Variants in CDH23 observed in about 807,000 individuals in gnomAD.
CDH23 encodes cadherin related 23.
In CDH23, 189 loss-of-function variants were observed where a neutral mutation model predicts 317.1. The observed-to-expected ratio is 0.60, with a 90% CI of 0.53 to 0.67. The LOEUF (loss-of-function observed/expected upper bound fraction) is 0.67. Ranked by LOEUF, CDH23 falls within the 30% of genes least tolerant of loss-of-function variation. The pLI is 0.00. For missense variants in CDH23, 4,401 were observed against 4,592.4 expected (o/e 0.96, Z 1.20); for synonymous variants, 1,839 against 1,876.8 (o/e 0.98, Z 0.52).
chr10:71,679,359 C>T (rs369347237), intron 16 of CDH23, 28 bp from the exon 17 acceptor site: 69 of 1,524,416 alleles, frequency 4.5e-5, no homozygotes, highest in African/African-American at 3.3e-4. Context: ...TGCAGGCTCA[C>T]GGCCCTTGTC....
intron 22 of CDH23, among the ~76,000 whole-genome samples, chr10:71,695,876 T>A (rs1865370435): frequency 6.6e-6 from 1 of 152,018 alleles, no homozygotes; most frequent in Admixed American, 6.6e-5. Flanking sequence ...CTCCCACCCC[T>A]ACACTGCACA....
chr10:71,676,552 G>A (rs1864379048), intron 15 of CDH23, among the ~76,000 whole-genome samples: 1 of 152,140 alleles, frequency 6.6e-6, no homozygotes, highest in Non-Finnish European at 1.5e-5. Flanking sequence ...GTATGAACCT[G>A]GGAGGCAGAG....
chr10:71,420,445 T>TGGTGATGGTGATGATG, intron 1 of CDH23, among the ~76,000 whole-genome samples: 1 of 26,702 alleles, frequency 3.7e-5, no homozygotes. Flanking sequence ...TGATGGTCAT[T>TGGTGATGGTGATGATG]ATGATGGTGA....
rs1864517593 is a variant in CDH23, at chr10:71,679,417, C to A, written c.1783C>A (p.Gln595Lys). ...AGATGAAGACTCCCCTCCCAACAACCAGATCACCTACAGCATTGTCAGTGC... is the reference window on the plus strand; with the variant it reads ...AGATGAAGACTCCCCTCCCAACAACAAGATCACCTACAGCATTGTCAGTGC... ...ATDEDSPPNNQITYSIVSASA... is the reference protein window; with the variant it reads ...ATDEDSPPNNKITYSIVSASA... The change falls in exon 17 of 70, where the codon CAG becomes AAG. Residue 595 changes from glutamine (Q) to lysine (K), a missense_variant. Gln to Lys is a moderately conservative substitution (Grantham distance 53). Around this residue, in one of 3 missense-constraint regions of CDH23, gnomAD observed 3,068 missense variants for 3,203.3 expected, o/e 0.96. Coordinates refer to ENST00000224721, the MANE Select transcript of CDH23 (RefSeq NM_022124.6). 6.2e-7 allele frequency: 1 copy of A among 1,613,826 alleles called. No individual in the cohort carries two copies. Among genetic ancestry groups the A allele is most frequent in the Non-Finnish European group, 8.5e-7 (1 of 1,179,814 alleles).
intron 11 of CDH23, among the ~76,000 whole-genome samples, chr10:71,634,958 C>G (rs1862191953): frequency 6.6e-6 from 1 of 152,224 alleles, no homozygotes; most frequent in East Asian, 1.9e-4. Context: ...GCTCTAGTCC[C>G]TAGAGGTCCA....
At chr10:71,439,732 TTC>T in intron 1 of CDH23, 93 bp from the exon 2 acceptor site, 1 of 856,990 alleles carries the variant, frequency 1.2e-6, no homozygotes. Context: ...CCAGCCCCAG[TTC>T]TCTCTGGAGC....
chr10:71,555,349 G>A (rs567358935), intron 6 of CDH23, among the ~76,000 whole-genome samples: 4 of 152,210 alleles, frequency 2.6e-5, no homozygotes, highest in East Asian at 1.9e-4. Context: ...TTTTCTTTGC[G>A]CACAGCCCTT....
chr10:71,736,340 G>A (rs1259751292), intron 34 of CDH23, among the ~76,000 whole-genome samples: 4 of 152,172 alleles, frequency 2.6e-5, no homozygotes, highest in Non-Finnish European at 5.9e-5. Context: ...GCCCTTTAAA[G>A]GTGGAAACAT....
intron 8 of CDH23, among the ~76,000 whole-genome samples, chr10:71,575,800 T>A (rs868775339): frequency 1.3e-5 from 2 of 152,260 alleles, no homozygotes; most frequent in South Asian, 4.1e-4. Flanking sequence ...TCACTGAGCC[T>A]CTGAAACAAG....
intron 14 of CDH23, among the ~76,000 whole-genome samples, chr10:71,658,172 G>GT (rs1213927547): frequency 1.3e-5 from 2 of 152,208 alleles, no homozygotes. Flanking sequence ...CCCCTCGCCT[G>GT]TGTTTATCTC....
chr10:71,754,500 C>G (rs1466293547), intron 38 of CDH23, among the ~76,000 whole-genome samples: 1 of 152,166 alleles, frequency 6.6e-6, no homozygotes, highest in African/African-American at 2.4e-5. Flanking sequence ...AAAAAACTCC[C>G]TAGCCCCTTC....
intron 28 of CDH23, chr10:71,713,398 T>C (rs1302049478): frequency 1.6e-5 from 11 of 676,916 alleles, no homozygotes; most frequent in Non-Finnish European, 2.9e-5. Flanking sequence ...AGTGAATGAG[T>C]CTCTTTACCA....
intron 47 of CDH23, 84 bp downstream of exon 47, chr10:71,791,419 A>G (rs1841248140): frequency 4.8e-6 from 6 of 1,240,570 alleles, no homozygotes; most frequent in Non-Finnish European, 6.9e-6. Flanking sequence ...TTGGACACGG[A>G]GTTTGCCTCC....
rs1859440550 is a variant in CDH23 at position 71,590,889 on chromosome 10, AAAAAAAAC to A, written c.832+12905_832+12912del. 2.2e-4 allele frequency among the ~76,000 whole-genome samples: 32 copies of A among 143,546 alleles called. 1 individual carries two copies. The highest frequency in any genetic ancestry group is 6.0e-4 in the African/African-American group (24 of 40,038). 94.2% of individuals were successfully genotyped at this position (143,546 alleles called of 152,430 possible). A position where few individuals can be genotyped will look rare whatever the true frequency, so the allele number is the denominator to read the frequency against. On this transcript the variant is annotated intron_variant, in intron 9 of 69. Coordinates refer to ENST00000224721, the MANE Select transcript of CDH23 (RefSeq NM_022124.6). ...CCCTGTCTCTAAAAAAAAAAAAACA[AAAAAAAAC>A]AAAAAAAAACACCAGTCTCTTCTCT...
chr10:71,596,207 T>G (rs575177272), intron 9 of CDH23, among the ~76,000 whole-genome samples: 1 of 152,046 alleles, frequency 6.6e-6, no homozygotes, highest in Non-Finnish European at 1.5e-5. Flanking sequence ...AGGATGTCGG[T>G]GGGATCCCAC....
chr10:71,680,829 C>A (rs200059784), intron 17 of CDH23, among the ~76,000 whole-genome samples: 1 of 70,142 alleles, frequency 1.4e-5, no homozygotes, highest in Non-Finnish European at 2.5e-5. Flanking sequence ...TTTTCTTTTT[C>A]TTTTTTTTTT....
intron 49 of CDH23, among the ~76,000 whole-genome samples, chr10:71,797,738 G>A (rs564098644): frequency 5.0e-4 from 76 of 152,276 alleles, no homozygotes; most frequent in Middle Eastern, 3.4e-3. Flanking sequence ...TCTGCCAATC[G>A]GGCCCAGGCC....
At position 71,449,313 on chromosome 10, in the gene CDH23, C is replaced by T. The variant is rs1850320262; in HGVS notation, c.145+2918C>T. ...AGGTTGGAGTTGTAAGCAGATCAAA[C>T]TTCCAGCTCGAGGCCTCATTACCTG... is the stretch of plus-strand genomic sequence containing the variant. On this transcript the variant is annotated intron_variant, in intron 3 of 69. Transcript: ENST00000224721. 3.9e-5 allele frequency among the ~76,000 whole-genome samples: 6 copies of T among 152,298 alleles called. 1 individual carries two copies. The highest frequency in any genetic ancestry group is 3.3e-4 in the Admixed American group (5 of 15,306).
rs1399686670 is a variant in CDH23 at position 71,656,645 on chromosome 10, G to A, written c.1449+10028G>A. On this transcript the variant is annotated intron_variant, in intron 14 of 69. Transcript: ENST00000224721. ...TGCTACTGCATCGTTATATCAAGTG[G>A]TGCAGGAGGACAGGCCTCTCCTGGA... Among the ~76,000 whole-genome samples, 3 of 152,194 alleles carry A rather than the reference G, an allele frequency of 2.0e-5. No homozygotes were observed. In the East Asian group the frequency reaches 5.8e-4, roughly 29 times the overall value.
Sources: allele counts gnomAD v4.1 joint callset (sites outside exome capture counted in the v4.1 genomes callset), GRCh38; gene constraint gnomAD v4.1.1; regional missense constraint gnomAD v4.1.1; transcripts MANE v1.5; gene names NCBI Gene and HGNC (gene_info 2026-07-23, HGNC 2026-07-21).